The following PIK3R1 variants were observed in gnomAD, a reference collection of about 807,000 sequenced individuals.
PIK3R1 encodes phosphatidylinositol 3-kinase regulatory subunit alpha.
PIK3R1 carries 29 observed loss-of-function variants against 98.0 expected under a neutral mutation model. That is an observed-to-expected ratio of 0.30 (90% CI 0.22 to 0.40). PIK3R1 has a LOEUF of 0.40. Ranked by LOEUF, PIK3R1 falls within the 10% of genes least tolerant of loss-of-function variation. The pLI, the probability that PIK3R1 is intolerant of heterozygous loss-of-function variation, is 1.00. For synonymous variants in PIK3R1, 282 were observed against 311.8 expected, an observed-to-expected ratio of 0.90 and a Z score of 1.01; for missense variants, 596 against 872.7, an observed-to-expected ratio of 0.68 and a Z score of 3.99.
intron 1 of PIK3R1, among the ~76,000 whole-genome samples, chr5:68,218,042 G>A (rs945032237): frequency 3.3e-5 from 5 of 152,136 alleles, no homozygotes; most frequent in Non-Finnish European, 5.9e-5. Flanking sequence ...TATCCATGAT[G>A]CTGTATAGTC....
intron 2 of PIK3R1, among the ~76,000 whole-genome samples, chr5:68,251,991 A>G (rs942647051): frequency 2.6e-5 from 4 of 152,292 alleles, no homozygotes; most frequent in Non-Finnish European, 2.9e-5. Flanking sequence ...ATCAGCAGGA[A>G]TGAGGTAGAA....
At chr5:68,293,053 G>A (rs758276765) in intron 8 of PIK3R1, 48 bp from the exon 9 acceptor site, 1 of 1,432,650 alleles carries the variant, frequency 7.0e-7, no homozygotes, top group Non-Finnish European at 9.8e-7. Flanking sequence ...ATATAAATCT[G>A]TGGTCACTAA....
chr5:68,265,232 C>CT (rs34063898), intron 2 of PIK3R1, among the ~76,000 whole-genome samples: 98,389 of 151,984 alleles, frequency 0.65, 32,014 homozygotes, highest in African/African-American at 0.7. Flanking sequence ...CTGCCTCAAA[C>CT]TACTGCCCTT....
intron 2 of PIK3R1, among the ~76,000 whole-genome samples, chr5:68,252,819 C>T (rs1402397125): frequency 2.0e-5 from 3 of 152,192 alleles, no homozygotes; most frequent in Non-Finnish European, 4.4e-5. Context: ...TCCTAATGCT[C>T]TTAGCAACTT....
chr5:68,222,477 G>A (rs1046111322), intron 1 of PIK3R1, among the ~76,000 whole-genome samples: 10 of 152,166 alleles, frequency 6.6e-5, no homozygotes, highest in East Asian at 1.9e-4. Flanking sequence ...TGGCAGAAGC[G>A]AAGCTCATAG....
At chr5:68,296,369 A>G (rs958484409) in intron 15 of PIK3R1, 28 bp downstream of exon 15, 3 of 1,578,970 alleles carry the variant, frequency 1.9e-6, no homozygotes, top group Non-Finnish European at 1.7e-6. Context: ...ACTTTTCTTT[A>G]CAACATCTCA....
rs551490467 is a variant in PIK3R1, at chr5:68,272,251, T to C, written c.335-1139T>C. 2.2e-3 allele frequency among the ~76,000 whole-genome samples: 165 copies of C among 74,768 alleles called. 2 individuals carry two copies. The highest frequency in any genetic ancestry group is 0.017 in the African/African-American group (161 of 9,304). The allele number at this position is 74,768 out of a possible 152,430, so 49.1% of individuals were successfully genotyped here. On this transcript the variant is annotated intron_variant, in intron 2 of 15. Coordinates refer to ENST00000521381, the MANE Select transcript of PIK3R1 (RefSeq NM_181523.3). ...CTGGGTGACAGAGCGAGACCCTGTC[T>C]CAAAAAAAAAAAAAAAAAAGAAAAA...
intron 2 of PIK3R1, among the ~76,000 whole-genome samples, chr5:68,227,404 C>T (rs1489878304): frequency 6.6e-6 from 1 of 152,126 alleles, no homozygotes; most frequent in African/African-American, 2.4e-5. Context: ...AGGAAATTCT[C>T]ATTAGAGCAT....
chr5:68,229,235 C>G (rs1744389668), intron 2 of PIK3R1, among the ~76,000 whole-genome samples: 1 of 152,080 alleles, frequency 6.6e-6, no homozygotes, highest in Non-Finnish European at 1.5e-5. Context: ...TTCAATAGCT[C>G]CTATGAGTTG....
intron 4 of PIK3R1, among the ~76,000 whole-genome samples, chr5:68,279,248 G>A (rs1025891833): frequency 4.6e-5 from 7 of 152,126 alleles, no homozygotes; most frequent in Non-Finnish European, 8.8e-5. Flanking sequence ...CAGAGGATGG[G>A]GTAGGTAACC....
At chr5:68,296,734 C>T (rs1222180012) in intron 15 of PIK3R1, among the ~76,000 whole-genome samples, 1 of 151,806 alleles carries the variant, frequency 6.6e-6, no homozygotes, top group Non-Finnish European at 1.5e-5. Context: ...AGGAAAAATA[C>T]TCATCAGGAA....
chr5:68,241,170 A>G (rs1193348089), intron 2 of PIK3R1, among the ~76,000 whole-genome samples: 2 of 152,194 alleles, frequency 1.3e-5, no homozygotes, highest in Non-Finnish European at 2.9e-5. Context: ...ACTATTAATA[A>G]TACTGATGAC....
intron 14 of PIK3R1, among the ~76,000 whole-genome samples, chr5:68,295,911 G>A (rs1229484548): frequency 6.6e-6 from 1 of 152,172 alleles, no homozygotes; most frequent in African/African-American, 2.4e-5. Context: ...CTTCCACTCT[G>A]CCCAGGTACC....
In PIK3R1 at chr5:68,273,438, C is replaced by T. The variant is rs2112164616; in HGVS notation, c.383C>T (p.Ala128Val). Residue 128 changes from alanine to valine, a missense_variant, in exon 3 of 16, where the codon GCC (alanine) becomes GTC (valine). This residue lies in a region of PIK3R1 where 352 missense variants were observed against 393.3 expected (regional missense o/e 0.90). Transcript: ENST00000521381. ...GAGCAGTTTGCCCCTCCTGACATTGCCCCGCCTCTTCTTATCAAGCTCGTG... is the reference window on the plus strand; with the variant it reads ...GAGCAGTTTGCCCCTCCTGACATTGTCCCGCCTCTTCTTATCAAGCTCGTG... ...LAEQFAPPDI[A>V]PPLLIKLVEA... is the part of the protein sequence containing the mutation. 1 of 1,614,074 alleles carries T rather than the reference C, an allele frequency of 6.2e-7. No homozygotes were observed. Among genetic ancestry groups the T allele is most frequent in the Non-Finnish European group, 8.5e-7 (1 of 1,179,972 alleles).
intron 1 of PIK3R1, among the ~76,000 whole-genome samples, chr5:68,225,905 C>T (rs143695387): frequency 6.6e-5 from 10 of 152,298 alleles, no homozygotes; most frequent in Admixed American, 2.6e-4. Flanking sequence ...AACTAGCGTC[C>T]GACCACACAT....
At chr5:68,292,723 G>C in intron 8 of PIK3R1, 1 of 1,274,346 alleles carries the variant, frequency 7.8e-7, no homozygotes, top group South Asian at 1.7e-5. Flanking sequence ...TGGGAAGGGG[G>C]AGTAAGGTTG....
In PIK3R1 at chr5:68,273,453, T is replaced by C. The variant is rs1198012101; in HGVS notation, c.398T>C (p.Ile133Thr). The C allele has an allele frequency of 2.8e-5, 45 of 1,614,102 alleles. No individual in the cohort carries two copies. The highest frequency in any genetic ancestry group is 3.6e-5 in the Non-Finnish European group (42 of 1,179,976). Reference protein sequence around the residue: ...APPDIAPPLLIKLVEAIEKKG... With the variant: ...APPDIAPPLLTKLVEAIEKKG... Reference sequence around the variant, plus strand: ...CCTGACATTGCCCCGCCTCTTCTTATCAAGCTCGTGGAAGCCATTGAAAAG... The same window carrying C: ...CCTGACATTGCCCCGCCTCTTCTTACCAAGCTCGTGGAAGCCATTGAAAAG... Residue 133 changes from isoleucine (I) to threonine (T), a missense_variant, in exon 3 of 16, where the codon ATC (isoleucine) becomes ACC (threonine). Around this residue, in one of 3 missense-constraint regions of PIK3R1, gnomAD observed 352 missense variants for 393.3 expected, o/e 0.90. Transcript: ENST00000521381.
At chr5:68,274,465 C>T (rs912508420) in intron 4 of PIK3R1, among the ~76,000 whole-genome samples, 1 of 152,040 alleles carries the variant, frequency 6.6e-6, no homozygotes, top group Admixed American at 6.6e-5. Context: ...TTTCCTTTTC[C>T]GTTTCCCTTT....
chr5:68,224,107 G>A (rs1744195029), intron 1 of PIK3R1, among the ~76,000 whole-genome samples: 1 of 152,164 alleles, frequency 6.6e-6, no homozygotes, highest in Non-Finnish European at 1.5e-5. Flanking sequence ...AAATTTCAAG[G>A]CAGATTTGGA....
Sources: allele counts gnomAD v4.1 joint callset (sites outside exome capture counted in the v4.1 genomes callset), GRCh38; gene constraint gnomAD v4.1.1; regional missense constraint gnomAD v4.1.1; transcripts MANE v1.5; gene names NCBI Gene and HGNC (gene_info 2026-07-23, HGNC 2026-07-21).